The following PPARA variants were observed in gnomAD, a reference collection of about 807,000 sequenced individuals.
The protein encoded by PPARA is peroxisome proliferator-activated receptor alpha.
In PPARA, 22 loss-of-function variants were observed where a neutral mutation model predicts 42.2. The ratio of observed to expected loss-of-function variants is 0.52; its 90% CI spans 0.37 to 0.74. The LOEUF (loss-of-function observed/expected upper bound fraction) is 0.74. Ranked by LOEUF, PPARA falls within the 30% of genes least tolerant of loss-of-function variation. PPARA has a pLI of 0.00. For synonymous variants in PPARA, 242 were observed against 239.3 expected, an observed-to-expected ratio of 1.01 and a Z score of -0.10; for missense variants, 465 against 608.2, an observed-to-expected ratio of 0.76 and a Z score of 2.48.
intron 7 of PPARA, among the ~76,000 whole-genome samples, chr22:46,229,815 T>C (rs1010790377): frequency 2.0e-5 from 3 of 152,218 alleles, no homozygotes. Flanking sequence ...TTTCCTCAGA[T>C]GCAGAATCAG....
In PPARA at chr22:46,183,802, T is replaced by C. The variant is rs1930297170; in HGVS notation, c.-43+6966T>C. On this transcript the variant is annotated intron_variant, in intron 3 of 8. Transcript: ENST00000407236. This position sits in a 1 kb window ranked among gnomAD's most constrained non-coding sequence, Gnocchi z 5.5. Reference sequence around the variant, plus strand: ...ATCAAATGTCTAGATCGTTGATGGTTGGAAGTAAAGTTGAGAAATGTTCAC... The same window carrying C: ...ATCAAATGTCTAGATCGTTGATGGTCGGAAGTAAAGTTGAGAAATGTTCAC... Among the ~76,000 whole-genome samples, 1 of 152,154 alleles carries C rather than the reference T, an allele frequency of 6.6e-6. No individual in the cohort carries two copies. Among genetic ancestry groups the C allele is most frequent in the South Asian group, 2.1e-4 (1 of 4,828 alleles).
intron 7 of PPARA, among the ~76,000 whole-genome samples, chr22:46,228,727 T>G (rs943863408): frequency 2.6e-4 from 40 of 152,318 alleles, no homozygotes; most frequent in Admixed American, 6.5e-5. Context: ...GACTGCACAT[T>G]TATCATGTTA....
rs1601843555 is a variant in PPARA, at chr22:46,242,795, C to G, written c.*7415C>G. 6.6e-6 allele frequency: 1 copy of G among 152,246 alleles called. No homozygotes were observed. The highest frequency in any genetic ancestry group is 1.5e-5 in the Non-Finnish European group (1 of 68,120). 9.4% of individuals were successfully genotyped at this position (152,246 alleles called of 1,614,324 possible). A position where few individuals can be genotyped will look rare whatever the true frequency, so the allele number is the denominator to read the frequency against. The stretch of plus-strand genomic sequence containing the variant: ...TTTCTCCTGAGCCATGCAGAATTTA[C>G]TTTCAATGTGGAAATCTGTTCCCTT... On this transcript the variant is annotated 3_prime_UTR_variant, in exon 9 of 9. Transcript: ENST00000407236. The surrounding 1 kb of genome is among the most constrained non-coding windows in gnomAD (Gnocchi z 6.1).
At chr22:46,178,193 G>T (rs1184455734) in intron 3 of PPARA, among the ~76,000 whole-genome samples, 2 of 152,180 alleles carry the variant, frequency 1.3e-5, no homozygotes, top group Admixed American at 1.3e-4. Context: ...AGGAAAACAT[G>T]AAATATTTCT....
intron 4 of PPARA, among the ~76,000 whole-genome samples, chr22:46,209,574 T>C (rs1569229854): frequency 6.6e-6 from 1 of 152,218 alleles, no homozygotes; most frequent in Non-Finnish European, 1.5e-5. Flanking sequence ...AATTTTTTCT[T>C]CTGCAATATC....
In PPARA at chr22:46,211,839, C is replaced by G. The variant is rs5767650; in HGVS notation, c.209-3334C>G. ...TAGCTGGGACTACAGGCACGCACCA[C>G]CACCCCTGGCTAACTTTTTGTATTT... On this transcript the variant is annotated intron_variant, in intron 4 of 8. Coordinates refer to ENST00000407236, the MANE Select transcript of PPARA (RefSeq NM_005036.6). The surrounding 1 kb of genome is among the most constrained non-coding windows in gnomAD (Gnocchi z 4.1). Among the ~76,000 whole-genome samples, 5 of 152,234 alleles carry G rather than the reference C, an allele frequency of 3.3e-5. No homozygotes were observed. In the East Asian group the frequency reaches 9.7e-4, roughly 30 times the overall value.
At position 46,243,049 on chromosome 22, in the gene PPARA, G is replaced by T. The variant is rs1936418806; in HGVS notation, c.*7669G>T. 6.6e-6 allele frequency: 1 copy of T among 152,618 alleles called. No homozygotes were observed. The highest frequency in any genetic ancestry group is 1.5e-5 in the Non-Finnish European group (1 of 68,042). The allele number at this position is 152,618 out of a possible 1,614,324, so 9.5% of individuals were successfully genotyped here. ...GGAAATGTCCTGATGGAAATTCTTT[G>T]CACGTGCCGGTTCTCTGGCATCCTC... On this transcript the variant is annotated 3_prime_UTR_variant, in exon 9 of 9. Transcript: ENST00000407236. The surrounding 1 kb of genome is among the most constrained non-coding windows in gnomAD (Gnocchi z 5.0).
At position 46,200,751 on chromosome 22, in the gene PPARA, A is replaced by G. The variant is rs944237531; in HGVS notation, c.208+2160A>G. Among the ~76,000 whole-genome samples, 5 of 151,906 alleles carry G rather than the reference A, an allele frequency of 3.3e-5. No homozygotes were observed. The highest frequency in any genetic ancestry group is 1.2e-4 in the African/African-American group (5 of 41,316). On this transcript the variant is annotated intron_variant, in intron 4 of 8. Transcript: ENST00000407236. The surrounding 1 kb of genome is among the most constrained non-coding windows in gnomAD (Gnocchi z 4.8). Reference sequence around the variant, plus strand: ...GCCAACATGGCAAAACCCCATCTCTACTAAAGAATACAAAACATTAGCTGG... The same window carrying G: ...GCCAACATGGCAAAACCCCATCTCTGCTAAAGAATACAAAACATTAGCTGG...
At position 46,232,516 on chromosome 22, in the gene PPARA, G is replaced by A. The variant is rs1352864757; in HGVS notation, c.1159+277G>A. Among the ~76,000 whole-genome samples the A allele has an allele frequency of 2.6e-5, 4 of 151,668 alleles. No homozygotes were observed. On this transcript the variant is annotated intron_variant, in intron 8 of 8. Transcript: ENST00000407236. This position sits in a 1 kb window ranked among gnomAD's most constrained non-coding sequence, Gnocchi z 5.3. ...AATCATAATATTAGCCAGGTGTGGGGGTGCACACCTTTAGTCCCAGCTACT... is the reference window on the plus strand; with the variant it reads ...AATCATAATATTAGCCAGGTGTGGGAGTGCACACCTTTAGTCCCAGCTACT...
intron 4 of PPARA, 151 bp downstream of exon 4, chr22:46,198,742 G>C: frequency 2.5e-6 from 2 of 795,670 alleles, no homozygotes; most frequent in East Asian, 3.0e-5. Flanking sequence ...CTCACTGCAG[G>C]CTCCACCTCC....
intron 2 of PPARA, among the ~76,000 whole-genome samples, chr22:46,158,950 C>T (rs192370043): frequency 2.0e-5 from 3 of 152,230 alleles, no homozygotes; most frequent in African/African-American, 7.2e-5. Flanking sequence ...AGTGCACTGG[C>T]GTGATCTCGG....
At chr22:46,199,785 T>C (rs1399801610) in intron 4 of PPARA, among the ~76,000 whole-genome samples, 1 of 152,212 alleles carries the variant, frequency 6.6e-6, no homozygotes, top group Non-Finnish European at 1.5e-5. Flanking sequence ...TGCAGTGGTA[T>C]GATCTCAGCC....
rs892484515 is a variant in PPARA, at chr22:46,161,767, CTG to C, written c.-127+9806_-127+9807del. Among the ~76,000 whole-genome samples, 1 of 152,198 alleles carries C rather than the reference CTG, an allele frequency of 6.6e-6. No individual in the cohort carries two copies. The highest frequency in any genetic ancestry group is 6.5e-5 in the Admixed American group (1 of 15,272). ...AGGTGAGCAGATGTGGACTTTCCGA[CTG>C]TGTGTGTGCGACTTCCTCAGAGCCC... On this transcript the variant is annotated intron_variant, in intron 2 of 8. Transcript: ENST00000407236. The surrounding 1 kb of genome is among the most constrained non-coding windows in gnomAD (Gnocchi z 4.8).
intron 3 of PPARA, among the ~76,000 whole-genome samples, chr22:46,185,824 G>A (rs1601681960): frequency 7.0e-6 from 1 of 143,222 alleles, no homozygotes; most frequent in Non-Finnish European, 1.5e-5. Flanking sequence ...GAACCCAGGA[G>A]GCAGAGGTTG....
chr22:46,212,053 TTCTCC>T lies in PPARA; in HGVS notation c.209-3108_209-3104del, dbSNP rs952245775. Among the ~76,000 whole-genome samples the T allele has an allele frequency of 6.6e-6, 1 of 151,224 alleles. No homozygotes were observed. The highest frequency in any genetic ancestry group is 1.9e-4 in the East Asian group (1 of 5,140). ...TTTCTTTCTCTTTCCCTCTCCTCTC[TTCTCC>T]TCTCCTCTCCTTTGATGGAGGTCTC... On this transcript the variant is annotated intron_variant, in intron 4 of 8. Transcript: ENST00000407236. This position sits in a 1 kb window ranked among gnomAD's most constrained non-coding sequence, Gnocchi z 4.2.
At chr22:46,201,940 C>T (rs1367046619) in intron 4 of PPARA, among the ~76,000 whole-genome samples, 2 of 152,200 alleles carry the variant, frequency 1.3e-5, no homozygotes, top group African/African-American at 2.4e-5. Context: ...TTTTTTAAGG[C>T]AGGCAGGCTC....
At position 46,191,839 on chromosome 22, in the gene PPARA, G is replaced by A. The variant is rs566508353; in HGVS notation, c.-42-6503G>A. 5.3e-5 allele frequency among the ~76,000 whole-genome samples: 8 copies of A among 152,288 alleles called. No homozygotes were observed. The highest frequency in any genetic ancestry group is 2.1e-4 in the South Asian group (1 of 4,830). ...TCCCAGCACTTTGGGAGGCTGAGGC[G>A]GGCAGATCACGAGGTCAAGAGATCA... On this transcript the variant is annotated intron_variant, in intron 3 of 8. Coordinates refer to ENST00000407236, the MANE Select transcript of PPARA (RefSeq NM_005036.6). This position sits in a 1 kb window ranked among gnomAD's most constrained non-coding sequence, Gnocchi z 4.6.
intron 4 of PPARA, among the ~76,000 whole-genome samples, chr22:46,205,167 TC>T (rs201293087): frequency 0.014 from 2,088 of 151,748 alleles, 42 homozygotes; most frequent in African/African-American, 0.048. Context: ...CCCGACCAGT[TC>T]TTAATTTTGA....
intron 2 of PPARA, among the ~76,000 whole-genome samples, chr22:46,176,366 A>G (rs150652683): frequency 6.0e-4 from 92 of 152,128 alleles, no homozygotes; most frequent in African/African-American, 2.0e-3. Context: ...TGTGCCTGCA[A>G]TCCCAGCTAC....
Sources: gnomAD v4.1 joint callset for allele counts (sites outside exome capture counted in the v4.1 genomes callset) on GRCh38, gnomAD v4.1.1 for gene constraint, Gnocchi (gnomAD v3.1) non-coding constraint, MANE v1.5 for transcripts, NCBI Gene and HGNC (gene_info 2026-07-23, HGNC 2026-07-21) for gene names.